Variants in CNTLN observed in about 807,000 individuals in gnomAD.
The protein encoded by CNTLN is centlein.
A neutral mutation model predicts 180.0 loss-of-function variants in CNTLN; 212 were observed. The observed-to-expected ratio is 1.18, with a 90% CI of 1.05 to 1.32. The LOEUF (loss-of-function observed/expected upper bound fraction) is 1.32, where lower values mean the gene tolerates loss of function less well. Among genes scored for constraint, CNTLN ranks in the 40% most tolerant of loss-of-function variants. CNTLN has a pLI of 0.00. For synonymous variants in CNTLN, 722 were observed against 563.1 expected (o/e 1.28, Z -3.99); for missense variants, 2,095 against 1,610.9 (o/e 1.30, Z -5.14).
chr9:17,216,496 G>T (rs1485887779), intron 2 of CNTLN, among the ~76,000 whole-genome samples: 1 of 152,042 alleles, frequency 6.6e-6, no homozygotes, highest in African/African-American at 2.4e-5. Context: ...TTATTGGCCG[G>T]TTTATTAAGA....
At chr9:17,267,380 G>A (rs1482665056) in intron 5 of CNTLN, among the ~76,000 whole-genome samples, 2 of 152,124 alleles carry the variant, frequency 1.3e-5, no homozygotes, top group African/African-American at 4.8e-5. Context: ...ACTCTCTTCT[G>A]GCTTGTAGAG....
chr9:17,342,784 C>G (rs916912640), intron 12 of CNTLN, among the ~76,000 whole-genome samples: 1 of 152,142 alleles, frequency 6.6e-6, no homozygotes, highest in African/African-American at 2.4e-5. Flanking sequence ...GATAACCTAG[C>G]CAGCCATCCT....
At chr9:17,482,555 A>G (rs940173006) in intron 23 of CNTLN, among the ~76,000 whole-genome samples, 4 of 152,184 alleles carry the variant, frequency 2.6e-5, no homozygotes, top group Non-Finnish European at 4.4e-5. Flanking sequence ...AAATAAAATT[A>G]CCACAGTAAG....
At chr9:17,302,737 C>G (rs903850303) in intron 7 of CNTLN, among the ~76,000 whole-genome samples, 10 of 152,072 alleles carry the variant, frequency 6.6e-5, no homozygotes, top group African/African-American at 2.2e-4. Flanking sequence ...AAATATTACT[C>G]TAGTCCATTT....
At chr9:17,312,343 T>TATATATATATATATATATATATATATATA (rs1819192993) in intron 8 of CNTLN, among the ~76,000 whole-genome samples, 1 of 30,372 alleles carries the variant, frequency 3.3e-5, no homozygotes, top group Non-Finnish European at 8.3e-5. Context: ...ATTACTGTAT[T>TATATATATATATATATATATATATATATA]TATATATATA....
intron 18 of CNTLN, among the ~76,000 whole-genome samples, chr9:17,430,446 A>C (rs1829349503): frequency 6.6e-6 from 1 of 152,060 alleles, no homozygotes; most frequent in African/African-American, 2.4e-5. Context: ...GTTCATATTT[A>C]TGGGGTACAT....
chr9:17,254,770 G>T (rs914729259), intron 5 of CNTLN, among the ~76,000 whole-genome samples: 7 of 151,312 alleles, frequency 4.6e-5, no homozygotes, highest in African/African-American at 1.7e-4. Flanking sequence ...GGCTGTTTGG[G>T]GTTGCTTAAG....
chr9:17,359,750 A>AAAAAAAAAAAACAAAAAAAAC (rs1823195894), intron 12 of CNTLN, among the ~76,000 whole-genome samples: 1 of 138,440 alleles, frequency 7.2e-6, no homozygotes, highest in Non-Finnish European at 1.6e-5. Context: ...AAAAAAAAAA[A>AAAAAAAAAAAACAAAAAAAAC]CTAGCTGGGT....
the CNTLN span, among the ~76,000 whole-genome samples, chr9:17,525,530 A>G: frequency 6.6e-6 from 1 of 152,222 alleles, no homozygotes; most frequent in Non-Finnish European, 1.5e-5. Context: ...GTTATTTCTT[A>G]TAATTCAAAC....
At chr9:17,465,041 A>G (rs1409348622) in intron 21 of CNTLN, among the ~76,000 whole-genome samples, 1 of 150,938 alleles carries the variant, frequency 6.6e-6, no homozygotes, top group East Asian at 1.9e-4. Context: ...TGAATTTTAC[A>G]TGGGAATGGA....
chr9:17,413,032 C>G (rs185739876), intron 16 of CNTLN, among the ~76,000 whole-genome samples: 57 of 152,072 alleles, frequency 3.7e-4, no homozygotes, highest in Middle Eastern at 3.4e-3. Flanking sequence ...TCCTTATCAC[C>G]CAAAATTGAT....
intron 3 of CNTLN, among the ~76,000 whole-genome samples, chr9:17,230,923 T>G (rs930494497): frequency 6.6e-6 from 1 of 152,106 alleles, no homozygotes; most frequent in African/African-American, 2.4e-5. Flanking sequence ...ATTCATTAAT[T>G]ACAGAATAAG....
At position 17,486,985 on chromosome 9, in the gene CNTLN, TCAGGAAA is replaced by T. The variant is rs1588097509; in HGVS notation, c.4042-3_4045del. On this transcript the variant is annotated splice_acceptor_variant and splice_polypyrimidine_tract_variant and coding_sequence_variant and intron_variant, in exon 25 of 26. Transcript: ENST00000380647. LOFTEE classifies it high-confidence loss of function. ...ACACCAGTGTTTTTATTTTTTTTCT[TCAGGAAA>T]TTGAAAAAACAAAAATTGATGCTGA... The T allele has an allele frequency of 1.3e-6, 2 of 1,549,272 alleles. No homozygotes were observed. The highest frequency in any genetic ancestry group is 1.4e-5 in the African/African-American group (1 of 71,720).
chr9:17,522,489 T>C, the CNTLN span, among the ~76,000 whole-genome samples: 2 of 152,146 alleles, frequency 1.3e-5, no homozygotes, highest in African/African-American at 4.8e-5. Context: ...TGAAATCCCA[T>C]CATACCTCAG....
chr9:17,265,431 G>A (rs560982060), intron 5 of CNTLN, among the ~76,000 whole-genome samples: 2 of 152,284 alleles, frequency 1.3e-5, no homozygotes, highest in South Asian at 2.1e-4. Context: ...TGTGCTGCTG[G>A]ATTCGGTTTG....
chr9:17,294,631 C>G (rs186757876), intron 6 of CNTLN, among the ~76,000 whole-genome samples: 1 of 149,894 alleles, frequency 6.7e-6, no homozygotes, highest in Non-Finnish European at 1.5e-5. Flanking sequence ...CAGTGTATCC[C>G]GCACAGGGGC....
chr9:17,355,933 G>A (rs1382256557), intron 12 of CNTLN, among the ~76,000 whole-genome samples: 2 of 151,738 alleles, frequency 1.3e-5, no homozygotes, highest in Non-Finnish European at 2.9e-5. Context: ...GTGTGGTGGC[G>A]GGCGCCTGTA....
At chr9:17,370,904 A>G (rs1034280007) in intron 13 of CNTLN, among the ~76,000 whole-genome samples, 8 of 152,312 alleles carry the variant, frequency 5.3e-5, no homozygotes, top group African/African-American at 1.7e-4. Flanking sequence ...TCCCATATAT[A>G]TAATGGGTTG....
intron 18 of CNTLN, among the ~76,000 whole-genome samples, chr9:17,435,792 A>T (rs1471387115): frequency 6.6e-6 from 1 of 152,054 alleles, no homozygotes; most frequent in Non-Finnish European, 1.5e-5. Context: ...GAAACACCCG[A>T]CCTCAGGTGA....
Sources: allele counts gnomAD v4.1 joint callset (sites outside exome capture counted in the v4.1 genomes callset), GRCh38; gene constraint gnomAD v4.1.1; transcripts MANE v1.5; gene names NCBI Gene and HGNC (gene_info 2026-07-23, HGNC 2026-07-21).